Variants in PCDHGA7 observed in about 807,000 individuals in gnomAD.
PCDHGA7 encodes protocadherin gamma-A7.
In PCDHGA7, 44 loss-of-function variants were observed where a neutral mutation model predicts 58.3. The ratio of observed to expected loss-of-function variants is 0.75; its 90% CI spans 0.59 to 0.97. The LOEUF is 0.97. PCDHGA7 is among the 50% of genes least tolerant of loss of function. The pLI is 0.00. For missense variants in PCDHGA7, 1,266 were observed against 1,188.7 expected (o/e 1.06, Z -0.96); for synonymous variants, 516 against 504.2 (o/e 1.02, Z -0.31).
chr5:141,489,093 A>T lies in PCDHGA7; in HGVS notation c.2425-5714A>T. ...GCCCACCCCCGCCACTCGGTGACTA[A>T]GAACTGCTGCAAGCAGGCAAACCTC... is the stretch of plus-strand genomic sequence containing the variant. On this transcript the variant is annotated intron_variant, in intron 1 of 3. Coordinates refer to ENST00000518325, the MANE Select transcript of PCDHGA7 (RefSeq NM_018920.4). This position sits in a 1 kb window ranked among gnomAD's most constrained non-coding sequence, Gnocchi z 4.5. 2.1e-6 allele frequency: 1 copy of T among 477,272 alleles called. No individual in the cohort carries two copies. Among genetic ancestry groups the T allele is most frequent in the Non-Finnish European group, 3.6e-6 (1 of 276,700 alleles). The allele number at this position is 477,272 out of a possible 1,614,324, so 29.6% of individuals were successfully genotyped here.
chr5:141,469,500 G>A (rs1471801110), intron 1 of PCDHGA7, among the ~76,000 whole-genome samples: 4 of 151,914 alleles, frequency 2.6e-5, no homozygotes, highest in South Asian at 2.1e-4. Flanking sequence ...GCTTGAACCC[G>A]GGAGGTGGAG....
intron 1 of PCDHGA7, chr5:141,416,530 G>C (rs976560428): frequency 6.6e-6 from 1 of 152,160 alleles, no homozygotes; most frequent in Non-Finnish European, 1.5e-5. Context: ...GCTCTTTAAT[G>C]TATAAGGAGG....
chr5:141,383,004 G>C lies in PCDHGA7; in HGVS notation c.105G>C (p.Val35=). 6.2e-7 allele frequency: 1 copy of C among 1,613,698 alleles called. No homozygotes were observed. The highest frequency in any genetic ancestry group is 8.5e-7 in the Non-Finnish European group (1 of 1,179,788). The change falls in exon 1 of 4, where the codon GTG becomes GTC. Residue 35 remains valine, a synonymous_variant. Coordinates refer to ENST00000518325, the MANE Select transcript of PCDHGA7 (RefSeq NM_018920.4). Reference sequence around the variant, plus strand: ...GGGCAGGACGTATTCTCTACTCCGTGTCGGAGGAGACGGACAAAGGGTCCT... The same window carrying C: ...GGGCAGGACGTATTCTCTACTCCGTCTCGGAGGAGACGGACAAAGGGTCCT... The part of the protein sequence containing the change: ...EAWAGRILYS[V]SEETDKGSFV...
At chr5:141,426,714 C>T (rs779529448) in intron 1 of PCDHGA7, 2 of 444,724 alleles carry the variant, frequency 4.5e-6, no homozygotes, top group South Asian at 3.1e-5. Flanking sequence ...AATCAATGAA[C>T]TAGCAATTCC....
Position 141,485,954 on chromosome 5 carries a change from C to T in PCDHGA7, c.2425-8853C>T, listed in dbSNP as rs2154580519. The T allele has an allele frequency of 6.2e-7, 1 of 1,614,190 alleles. No individual in the cohort carries two copies. The highest frequency in any genetic ancestry group is 8.5e-7 in the Non-Finnish European group (1 of 1,180,038). ...GGAGAGCGCACCAGCGGGCATGGTG[C>T]TCATCCAGCTCAATGCCTCAGACCC... On this transcript the variant is annotated intron_variant, in intron 1 of 3. Coordinates refer to ENST00000518325, the MANE Select transcript of PCDHGA7 (RefSeq NM_018920.4). The surrounding 1 kb of genome is among the most constrained non-coding windows in gnomAD (Gnocchi z 5.7).
At chr5:141,423,067 G>C (rs757110751) in intron 1 of PCDHGA7, 36 of 1,614,024 alleles carry the variant, frequency 2.2e-5, no homozygotes, top group Non-Finnish European at 2.9e-5. Context: ...TAAGGCCAGC[G>C]AGCCGGGACT....
At chr5:141,452,134 T>C (rs539377216) in intron 1 of PCDHGA7, among the ~76,000 whole-genome samples, 2 of 152,344 alleles carry the variant, frequency 1.3e-5, no homozygotes, top group South Asian at 2.1e-4. Flanking sequence ...ATATGGCTCA[T>C]GTGTTTTTTC....
At chr5:141,465,887 C>A (rs1267304672) in intron 1 of PCDHGA7, among the ~76,000 whole-genome samples, 1 of 152,040 alleles carries the variant, frequency 6.6e-6, no homozygotes, top group Non-Finnish European at 1.5e-5. Flanking sequence ...CTTTGGGAGG[C>A]CGAGGCGGGC....
In PCDHGA7 at chr5:141,431,019, C is replaced by A. The variant is rs1368671750; in HGVS notation, c.2424+45696C>A. 1 of 1,613,488 alleles carries A rather than the reference C, an allele frequency of 6.2e-7. No individual in the cohort carries two copies. The highest frequency in any genetic ancestry group is 1.7e-5 in the Admixed American group (1 of 59,968). ...CCGCGCAGCGGCAGCTTGGTCACGG[C>A]GGGCAGGATAGACCGGGAGGAGCTC... On this transcript the variant is annotated intron_variant, in intron 1 of 3. Transcript: ENST00000518325. The surrounding 1 kb of genome is among the most constrained non-coding windows in gnomAD (Gnocchi z 4.8).
Position 141,490,982 on chromosome 5 carries a change from G to A in PCDHGA7, c.2425-3825G>A, listed in dbSNP as rs964673026. 5 of 1,613,994 alleles carry A rather than the reference G, an allele frequency of 3.1e-6. No homozygotes were observed. Among genetic ancestry groups the A allele is most frequent in the Admixed American group, 1.7e-5 (1 of 60,020 alleles). On this transcript the variant is annotated intron_variant, in intron 1 of 3. Coordinates refer to ENST00000518325, the MANE Select transcript of PCDHGA7 (RefSeq NM_018920.4). This position sits in a 1 kb window ranked among gnomAD's most constrained non-coding sequence, Gnocchi z 5.4. The stretch of plus-strand genomic sequence containing the variant: ...CACTCAGCCCCCCAGCGTCTCCCTC[G>A]CTCTGCTCCTCCTGGCTCCTTGGTC...
chr5:141,491,253 T>C lies in PCDHGA7; in HGVS notation c.2425-3554T>C, dbSNP rs71583648. The C allele has an allele frequency of 2.3e-3, 3,639 of 1,614,176 alleles. 33 individuals carry two copies. The African/African-American group carries it at 0.026, about 11-fold the overall frequency. Reference sequence around the variant, plus strand: ...TGCTGGTTCTGGAGGATGAGGACCCTGAGGAAATGCCCAAATCCAGTGACT... The same window carrying C: ...TGCTGGTTCTGGAGGATGAGGACCCCGAGGAAATGCCCAAATCCAGTGACT... On this transcript the variant is annotated intron_variant, in intron 1 of 3. Coordinates refer to ENST00000518325, the MANE Select transcript of PCDHGA7 (RefSeq NM_018920.4). This position sits in a 1 kb window ranked among gnomAD's most constrained non-coding sequence, Gnocchi z 6.9.
At chr5:141,394,154 C>A (rs770076493) in intron 1 of PCDHGA7, 1 of 1,613,918 alleles carries the variant, frequency 6.2e-7, no homozygotes, top group Admixed American at 1.7e-5. Context: ...ACATTAACGA[C>A]AACCCTCCTA....
chr5:141,392,688 C>T (rs1009459106), intron 1 of PCDHGA7: 2 of 1,113,934 alleles, frequency 1.8e-6, no homozygotes, highest in Non-Finnish European at 2.5e-6. Flanking sequence ...GCAGCGAAAC[C>T]CGACCCCTGT....
chr5:141,409,715 G>C (rs2095305446), intron 1 of PCDHGA7: 9 of 1,613,084 alleles, frequency 5.6e-6, no homozygotes, highest in Admixed American at 1.7e-5. Flanking sequence ...GTCGTCATAC[G>C]TGTCAGTGAG....
intron 1 of PCDHGA7, chr5:141,408,244 G>A (rs746604555): frequency 6.3e-7 from 1 of 1,585,990 alleles, no homozygotes; most frequent in Non-Finnish European, 8.6e-7. Context: ...CCGGCCCGCG[G>A]CAGGTGCTAT....
intron 1 of PCDHGA7, chr5:141,427,320 G>GT: frequency 2.2e-6 from 1 of 457,086 alleles, no homozygotes; most frequent in Non-Finnish European, 4.4e-6. Context: ...CCCAGACGTG[G>GT]TTTTTACTTC....
chr5:141,433,001 G>A (rs1361701281), intron 1 of PCDHGA7: 39 of 1,614,156 alleles, frequency 2.4e-5, no homozygotes, highest in Non-Finnish European at 3.1e-5. Context: ...CGGGGTGCAG[G>A]CTTTCCTGCA....
chr5:141,427,742 C>T, intron 1 of PCDHGA7: 2 of 1,247,208 alleles, frequency 1.6e-6, no homozygotes, highest in Non-Finnish European at 2.3e-6. Context: ...GCCAAGTCTC[C>T]TACTCCATCG....
chr5:141,384,074 T>G lies in PCDHGA7; in HGVS notation c.1175T>G (p.Phe392Cys). The G allele has an allele frequency of 6.2e-7, 1 of 1,601,488 alleles. No individual in the cohort carries two copies. Among genetic ancestry groups the G allele is most frequent in the Non-Finnish European group, 8.5e-7 (1 of 1,173,454 alleles). Residue 392 changes from phenylalanine to cysteine, a missense_variant, in exon 1 of 4, where the codon TTT becomes TGT. Phe to Cys is a radical substitution (Grantham distance 205). Coordinates refer to ENST00000518325, the MANE Select transcript of PCDHGA7 (RefSeq NM_018920.4). ...TGCACCATTCCAGAAAACCTACCTT[T>G]TAAATTAGAAAAATCAATAGATAAT... ...VTCTIPENLP[F>C]KLEKSIDNYY...
Sources: allele counts gnomAD v4.1 joint callset (sites outside exome capture counted in the v4.1 genomes callset), GRCh38; gene constraint gnomAD v4.1.1; non-coding constraint Gnocchi (gnomAD v3.1); transcripts MANE v1.5; gene names NCBI Gene and HGNC (gene_info 2026-07-23, HGNC 2026-07-21).